The following NCKAP5 variants were observed in gnomAD, a reference collection of about 807,000 sequenced individuals.
The protein encoded by NCKAP5 is NCK associated protein 5, also known as nck-associated protein 5.
Under a neutral mutation model 167.0 loss-of-function variants are expected in NCKAP5, and 92 were observed. The observed-to-expected ratio is 0.55, with a 90% CI of 0.47 to 0.66. NCKAP5 has a LOEUF of 0.66. Among genes scored for constraint, NCKAP5 ranks in the 30% least tolerant of loss-of-function variants. The probability of loss-of-function intolerance (pLI) is 0.00; values close to 1 mark genes in which losing one functional copy is unlikely to be tolerated. For missense variants in NCKAP5, 2,378 were observed against 2,315.0 expected (o/e 1.03, Z -0.56); for synonymous variants, 891 against 877.4 (o/e 1.02, Z -0.27).
intron 4 of NCKAP5, among the ~76,000 whole-genome samples, chr2:133,244,493 G>A (rs1000584140): frequency 4.0e-5 from 6 of 151,526 alleles, no homozygotes; most frequent in Non-Finnish European, 7.4e-5. Flanking sequence ...AAAAATTAAG[G>A]GCTACAATAC....
intron 4 of NCKAP5, among the ~76,000 whole-genome samples, chr2:133,236,488 T>G (rs866265604): frequency 1.3e-5 from 2 of 152,272 alleles, no homozygotes; most frequent in Middle Eastern, 6.8e-3. Flanking sequence ...TACCTACCTA[T>G]AAGTAAAAGG....
the NCKAP5 span, among the ~76,000 whole-genome samples, chr2:133,615,933 G>T: frequency 6.6e-6 from 1 of 150,874 alleles, no homozygotes; most frequent in Non-Finnish European, 1.5e-5. Flanking sequence ...TAAAAGAACA[G>T]AAATTATAAC....
chr2:133,006,413 G>GT (rs1330134845), intron 6 of NCKAP5, among the ~76,000 whole-genome samples: 1 of 152,166 alleles, frequency 6.6e-6, no homozygotes, highest in East Asian at 1.9e-4. Context: ...CTCCACAGTT[G>GT]TAACTGGCTC....
chr2:133,459,294 C>G (rs1351311030), intron 3 of NCKAP5, among the ~76,000 whole-genome samples: 1 of 152,134 alleles, frequency 6.6e-6, no homozygotes, highest in East Asian at 1.9e-4. Context: ...GATCCTCCTG[C>G]CTTCCAAAAT....
At chr2:133,307,313 G>C (rs1422482860) in intron 3 of NCKAP5, among the ~76,000 whole-genome samples, 1 of 152,174 alleles carries the variant, frequency 6.6e-6, no homozygotes, top group Admixed American at 6.5e-5. Flanking sequence ...ATATCAGTTT[G>C]TCAAACAATG....
At chr2:133,162,197 A>G (rs1406402019) in intron 5 of NCKAP5, among the ~76,000 whole-genome samples, 3 of 151,532 alleles carry the variant, frequency 2.0e-5, no homozygotes, top group African/African-American at 7.3e-5. Context: ...GCAAAAGGCC[A>G]AGAACAAATA....
intron 3 of NCKAP5, among the ~76,000 whole-genome samples, chr2:133,389,082 G>A (rs896205113): frequency 1.3e-5 from 2 of 152,114 alleles, no homozygotes; most frequent in Admixed American, 1.3e-4. Context: ...AGATGAACCC[G>A]GTACCTCAGT....
chr2:133,236,622 T>C (rs1024363369), intron 4 of NCKAP5, among the ~76,000 whole-genome samples: 1 of 152,176 alleles, frequency 6.6e-6, no homozygotes, highest in South Asian at 2.1e-4. Flanking sequence ...AGTCAATACA[T>C]TAGAAGTGGG....
At chr2:132,925,039 A>T (rs1311316236) in intron 8 of NCKAP5, among the ~76,000 whole-genome samples, 3 of 152,140 alleles carry the variant, frequency 2.0e-5, no homozygotes, top group African/African-American at 7.2e-5. Context: ...CCTTAGACAC[A>T]GTAGTGATTT....
At position 133,225,779 on chromosome 2, in the gene NCKAP5, C is replaced by CTTTTT. The variant is rs1003972708; in HGVS notation, c.144-12005_144-12001dup. Among the ~76,000 whole-genome samples, 121 of 39,722 alleles carry CTTTTT rather than the reference C, an allele frequency of 3.0e-3. 27 individuals carry two copies. The highest frequency in any genetic ancestry group is 4.7e-3 in the African/African-American group (51 of 10,950). The allele number at this position is 39,722 out of a possible 152,430, so 26.1% of individuals were successfully genotyped here. On this transcript the variant is annotated intron_variant, in intron 4 of 19. Transcript: ENST00000409261. ...CAGGTGTGGGTCATCATGCCCTGTT[C>CTTTTT]TTTTTTTTTTTTTTTTTTTTTTTTT...
At chr2:133,512,559 G>A (rs1024398166) in intron 3 of NCKAP5, among the ~76,000 whole-genome samples, 1 of 152,192 alleles carries the variant, frequency 6.6e-6, no homozygotes, top group South Asian at 2.1e-4. Context: ...AACTACTCAC[G>A]TGGCCTGCAG....
At chr2:132,869,101 A>G (rs1447905407) in intron 9 of NCKAP5, 127 bp from the exon 10 acceptor site, 2 of 562,476 alleles carry the variant, frequency 3.6e-6, no homozygotes, top group African/African-American at 1.9e-5. Flanking sequence ...TCTTTCCTCT[A>G]TATGCAGAGA....
chr2:132,963,345 A>G (rs1325071405), intron 8 of NCKAP5, among the ~76,000 whole-genome samples: 4 of 152,320 alleles, frequency 2.6e-5, no homozygotes, highest in Admixed American at 2.0e-4. Flanking sequence ...TCATCTTTAC[A>G]TACTATTAAA....
At chr2:132,865,088 G>A (rs1186700574) in intron 10 of NCKAP5, among the ~76,000 whole-genome samples, 1 of 152,074 alleles carries the variant, frequency 6.6e-6, no homozygotes, top group Non-Finnish European at 1.5e-5. Context: ...GGCTTTCACT[G>A]ATACATCCTT....
At chr2:133,491,564 T>C (rs1479673514) in intron 3 of NCKAP5, among the ~76,000 whole-genome samples, 1 of 152,198 alleles carries the variant, frequency 6.6e-6, no homozygotes, top group African/African-American at 2.4e-5. Context: ...CAAAACACCA[T>C]CTCTATTCTT....
At chr2:133,107,786 T>C (rs572882544) in intron 6 of NCKAP5, among the ~76,000 whole-genome samples, 5 of 152,354 alleles carry the variant, frequency 3.3e-5, no homozygotes, top group African/African-American at 1.2e-4. Flanking sequence ...AATGGTTTTG[T>C]TGGGAATCAT....
At chr2:133,183,708 C>A (rs979680933) in intron 5 of NCKAP5, among the ~76,000 whole-genome samples, 3 of 152,218 alleles carry the variant, frequency 2.0e-5, no homozygotes, top group Middle Eastern at 6.8e-3. Flanking sequence ...TTTTGTTCAA[C>A]ATAATGCTGA....
chr2:133,186,696 A>C (rs572289034), intron 5 of NCKAP5, among the ~76,000 whole-genome samples: 15 of 152,178 alleles, frequency 9.9e-5, no homozygotes, highest in African/African-American at 3.6e-4. Context: ...GTGTGTTTCC[A>C]GGAATTTATT....
chr2:133,605,924 A>C, the NCKAP5 span, among the ~76,000 whole-genome samples: 1 of 152,258 alleles, frequency 6.6e-6, no homozygotes, highest in Non-Finnish European at 1.5e-5. Context: ...TCAAAGAACC[A>C]TAATAACATG....
Sources: allele counts gnomAD v4.1 joint callset (sites outside exome capture counted in the v4.1 genomes callset), GRCh38; gene constraint gnomAD v4.1.1; transcripts MANE v1.5; gene names NCBI Gene and HGNC (gene_info 2026-07-23, HGNC 2026-07-21).